Variants in CRACD observed in about 807,000 individuals in gnomAD.
The protein encoded by CRACD is capping protein-inhibiting regulator of actin dynamics.
Under a neutral mutation model 106.8 loss-of-function variants are expected in CRACD, and 56 were observed. That is an observed-to-expected ratio of 0.52 (90% CI 0.42 to 0.66). CRACD has a LOEUF of 0.66. Ranked by LOEUF, CRACD falls within the 30% of genes least tolerant of loss-of-function variation. The pLI is 0.00. For missense variants in CRACD, 1,730 were observed against 1,623.2 expected, an observed-to-expected ratio of 1.07 and a Z score of -1.13; for synonymous variants, 754 against 670.8, an observed-to-expected ratio of 1.12 and a Z score of -1.92.
At chr4:56,308,781 C>T in intron 5 of CRACD, 1 of 1,241,188 alleles carries the variant, frequency 8.1e-7, no homozygotes, top group Middle Eastern at 3.4e-4. Context: ...AATTGCTCTT[C>T]CCAACCTCTC....
chr4:56,222,109 A>T (rs1468551399), intron 2 of CRACD, among the ~76,000 whole-genome samples: 2 of 152,232 alleles, frequency 1.3e-5, no homozygotes, highest in African/African-American at 4.8e-5. Flanking sequence ...TTGCAGCACA[A>T]TTCACAGTTG....
At chr4:56,074,092 T>C (rs1249145309) in intron 1 of CRACD, among the ~76,000 whole-genome samples, 1 of 152,156 alleles carries the variant, frequency 6.6e-6, no homozygotes, top group Non-Finnish European at 1.5e-5. Context: ...TGTAGTCTTG[T>C]AGTATAGTTT....
chr4:56,308,936 A>G, intron 5 of CRACD: 2 of 1,286,310 alleles, frequency 1.6e-6, no homozygotes, highest in Non-Finnish European at 2.0e-6. Context: ...TCTGTCTCAG[A>G]TATGGGTATT....
intron 1 of CRACD, among the ~76,000 whole-genome samples, chr4:56,155,684 C>T (rs1053752980): frequency 5.3e-5 from 8 of 152,160 alleles, no homozygotes; most frequent in African/African-American, 1.9e-4. Context: ...CAAGGAAATG[C>T]AAGAATGAGC....
chr4:56,090,009 T>A (rs916989595), intron 1 of CRACD, among the ~76,000 whole-genome samples: 2 of 152,148 alleles, frequency 1.3e-5, no homozygotes, highest in East Asian at 3.9e-4. Flanking sequence ...TTCATTTGCT[T>A]AACCAAAATA....
At position 56,270,163 on chromosome 4, in the gene CRACD, T is replaced by G. The variant is rs370609512; in HGVS notation, c.-188-2158T>G. Among the ~76,000 whole-genome samples the G allele has an allele frequency of 7.7e-4, 117 of 152,328 alleles. 2 individuals carry two copies. The South Asian group carries it at 0.024, about 31-fold the overall frequency. Reference sequence around the variant, plus strand: ...TATTCTGTCTGCGTCCTCAGCACCTTATGCCGCTGCTTAGGATGAAATAGT... The same window carrying G: ...TATTCTGTCTGCGTCCTCAGCACCTGATGCCGCTGCTTAGGATGAAATAGT... On this transcript the variant is annotated intron_variant, in intron 2 of 10. Coordinates refer to ENST00000682029, the MANE Select transcript of CRACD (RefSeq NM_001393381.1).
intron 1 of CRACD, among the ~76,000 whole-genome samples, chr4:56,161,180 T>C (rs1039185088): frequency 3.3e-5 from 5 of 152,212 alleles, no homozygotes; most frequent in Non-Finnish European, 5.9e-5. Flanking sequence ...AGCGAGATGT[T>C]TGTTTTTATA....
chr4:56,109,090 G>C (rs1734038844), intron 1 of CRACD, among the ~76,000 whole-genome samples: 1 of 152,188 alleles, frequency 6.6e-6, no homozygotes, highest in African/African-American at 2.4e-5. Context: ...CCAGACACTG[G>C]CATTACCGCT....
intron 1 of CRACD, among the ~76,000 whole-genome samples, chr4:56,086,671 G>A (rs574449454): frequency 3.3e-5 from 5 of 152,118 alleles, no homozygotes; most frequent in Admixed American, 6.5e-5. Context: ...GATTTCCATG[G>A]CAGTCAGGAA....
intron 2 of CRACD, among the ~76,000 whole-genome samples, chr4:56,225,409 T>A (rs2109522142): frequency 6.6e-6 from 1 of 152,332 alleles, no homozygotes; most frequent in South Asian, 2.1e-4. Context: ...TGGTTATTTT[T>A]TGAATAAAGA....
intron 2 of CRACD, among the ~76,000 whole-genome samples, chr4:56,256,257 G>A (rs1741353246): frequency 6.6e-6 from 1 of 152,144 alleles, no homozygotes; most frequent in Non-Finnish European, 1.5e-5. Flanking sequence ...AGTCTCAAGA[G>A]GTCAGATGGT....
At chr4:56,123,737 CAGT>C (rs1734566323) in intron 1 of CRACD, among the ~76,000 whole-genome samples, 1 of 151,028 alleles carries the variant, frequency 6.6e-6, no homozygotes, top group South Asian at 2.1e-4. Flanking sequence ...TCAGAGACCA[CAGT>C]AGTACCCCCC....
In CRACD at chr4:56,172,020, C is replaced by CTTTTTTTTTTTTTTTTT. The variant is rs35574683; in HGVS notation, c.-335-7249_-335-7248insTTTTTTTTTTTTTTTTT. Among the ~76,000 whole-genome samples, 19 of 106,392 alleles carry CTTTTTTTTTTTTTTTTT rather than the reference C, an allele frequency of 1.8e-4. 3 individuals are homozygous for CTTTTTTTTTTTTTTTTT. Among genetic ancestry groups the CTTTTTTTTTTTTTTTTT allele is most frequent in the African/African-American group, 6.0e-4 (17 of 28,380 alleles). 69.8% of individuals were successfully genotyped at this position (106,392 alleles called of 152,430 possible). On this transcript the variant is annotated intron_variant, in intron 1 of 10. Coordinates refer to ENST00000682029, the MANE Select transcript of CRACD (RefSeq NM_001393381.1). The stretch of plus-strand genomic sequence containing the variant: ...GTGGAGGTATCTTTTGAGGGTTTCT[C>CTTTTTTTTTTTTTTTTT]TTTTTTTTTTTTTTTCAACTTTACA...
chr4:56,103,668 C>T (rs1289581547), intron 1 of CRACD, among the ~76,000 whole-genome samples: 1 of 152,206 alleles, frequency 6.6e-6, no homozygotes, highest in Admixed American at 6.5e-5. Context: ...GTGAGATTCT[C>T]TGTGTCTTTT....
intron 2 of CRACD, among the ~76,000 whole-genome samples, chr4:56,222,762 G>T (rs953486608): frequency 2.0e-5 from 3 of 151,898 alleles, no homozygotes; most frequent in Admixed American, 6.6e-5. Flanking sequence ...AGCCAACATG[G>T]TGAAACCCCA....
intron 1 of CRACD, among the ~76,000 whole-genome samples, chr4:56,074,376 T>C (rs1443320638): frequency 6.6e-6 from 1 of 152,196 alleles, no homozygotes; most frequent in Non-Finnish European, 1.5e-5. Context: ...CAGTGATTTG[T>C]AGTTCTCCTT....
intron 2 of CRACD, among the ~76,000 whole-genome samples, chr4:56,200,452 G>T (rs1181981393): frequency 6.6e-6 from 1 of 152,114 alleles, no homozygotes; most frequent in Non-Finnish European, 1.5e-5. Flanking sequence ...ACTCTACACA[G>T]GGGCTCTGTA....
At chr4:56,289,788 G>A (rs1004446476) in intron 3 of CRACD, among the ~76,000 whole-genome samples, 2 of 151,708 alleles carry the variant, frequency 1.3e-5, no homozygotes, top group Non-Finnish European at 2.9e-5. Flanking sequence ...CTTTCTTGTC[G>A]TGATCTAGCA....
chr4:56,143,476 T>C (rs1463066883), intron 1 of CRACD, among the ~76,000 whole-genome samples: 1 of 152,148 alleles, frequency 6.6e-6, no homozygotes, highest in African/African-American at 2.4e-5. Context: ...TGAAGGAGGA[T>C]ATTTTTTGTT....
Sources: gnomAD v4.1 joint callset for allele counts (sites outside exome capture counted in the v4.1 genomes callset) on GRCh38, gnomAD v4.1.1 for gene constraint, MANE v1.5 for transcripts, NCBI Gene and HGNC (gene_info 2026-07-23, HGNC 2026-07-21) for gene names.